CCDC57: variants seen among roughly 807,000 people sequenced by gnomAD.
CCDC57 encodes the protein coiled-coil domain containing 57, also known as coiled-coil domain-containing protein 57.
A neutral mutation model predicts 118.9 loss-of-function variants in CCDC57; 118 were observed. The ratio of observed to expected loss-of-function variants is 0.99; its 90% CI spans 0.86 to 1.16. The LOEUF (loss-of-function observed/expected upper bound fraction) is 1.16. Ranked by LOEUF, CCDC57 falls within the 50% of genes most tolerant of loss-of-function variation. The probability of loss-of-function intolerance (pLI) is 0.00; values close to 1 mark genes in which losing one functional copy is unlikely to be tolerated. For synonymous variants in CCDC57, 527 were observed against 532.9 expected (o/e 0.99, Z 0.15); for missense variants, 1,300 against 1,320.7 (o/e 0.98, Z 0.24).
intron 16 of CCDC57, among the ~76,000 whole-genome samples, chr17:82,140,396 T>A (rs1408962379): frequency 6.6e-6 from 1 of 152,082 alleles, no homozygotes; most frequent in African/African-American, 2.4e-5. Flanking sequence ...AATTTTTGTA[T>A]TTTTAGTAGA....
At chr17:82,206,535 G>A (rs1173036920) in intron 2 of CCDC57, among the ~76,000 whole-genome samples, 5 of 152,122 alleles carry the variant, frequency 3.3e-5, no homozygotes, top group Non-Finnish European at 7.4e-5. Flanking sequence ...GGTGTGGAGA[G>A]GTTCCTGGGG....
chr17:82,120,536 C>T (rs151063634), intron 19 of CCDC57, among the ~76,000 whole-genome samples: 13 of 152,320 alleles, frequency 8.5e-5, no homozygotes, highest in East Asian at 3.9e-4. Flanking sequence ...ACTTCACCAA[C>T]GCAGTTTCCA....
At chr17:82,163,146 C>G (rs1032200708) in intron 14 of CCDC57, 54 bp downstream of exon 13, 4 of 1,591,190 alleles carry the variant, frequency 2.5e-6, no homozygotes, top group South Asian at 2.3e-5. Flanking sequence ...CCCACGCGCT[C>G]TCCCCCAGCA....
At chr17:82,178,214 C>T (rs1434915290) in intron 11 of CCDC57, among the ~76,000 whole-genome samples, 1 of 152,190 alleles carries the variant, frequency 6.6e-6, no homozygotes, top group African/African-American at 2.4e-5. Flanking sequence ...ATCATAAGAA[C>T]AAACTCACAT....
At chr17:82,143,430 C>A (rs114142984) in intron 16 of CCDC57, among the ~76,000 whole-genome samples, 1 of 152,084 alleles carries the variant, frequency 6.6e-6, no homozygotes, top group Non-Finnish European at 1.5e-5. Context: ...TTCCAGACAG[C>A]GACCTTTGAG....
chr17:82,203,009 G>C (rs1297694022), intron 2 of CCDC57, among the ~76,000 whole-genome samples: 1 of 152,192 alleles, frequency 6.6e-6, no homozygotes, highest in African/African-American at 2.4e-5. Context: ...ATATGGTTTC[G>C]ATATTTATCC....
intron 2 of CCDC57, among the ~76,000 whole-genome samples, chr17:82,206,540 C>T (rs2049669421): frequency 7.1e-6 from 1 of 141,618 alleles, no homozygotes; most frequent in Admixed American, 6.9e-5. Context: ...GGAGAGGTTC[C>T]TGGGGAGTGG....
intron 19 of CCDC57, among the ~76,000 whole-genome samples, chr17:82,103,790 C>T (rs971735019): frequency 5.9e-5 from 9 of 151,940 alleles, no homozygotes; most frequent in African/African-American, 1.5e-4. Context: ...TATCCCGGGG[C>T]GAAGCAGGGA....
At chr17:82,198,702 A>C (rs2048593235) in intron 3 of CCDC57, among the ~76,000 whole-genome samples, 1 of 152,000 alleles carries the variant, frequency 6.6e-6, no homozygotes. Flanking sequence ...AAAAACCGGA[A>C]AGATCTGACC....
At chr17:82,162,443 C>T (rs905351895) in intron 14 of CCDC57, among the ~76,000 whole-genome samples, 7 of 152,228 alleles carry the variant, frequency 4.6e-5, no homozygotes, top group African/African-American at 7.2e-5. Context: ...GAGTAGGACC[C>T]GACCCCCAAA....
intron 16 of CCDC57, among the ~76,000 whole-genome samples, chr17:82,146,661 C>A (rs533874284): frequency 6.6e-6 from 1 of 152,356 alleles, no homozygotes; most frequent in East Asian, 1.9e-4. Flanking sequence ...ACTCTACTTT[C>A]TTCTCTAAAT....
chr17:82,164,790 C>T (rs1186866590), intron 13 of CCDC57, among the ~76,000 whole-genome samples: 1 of 152,144 alleles, frequency 6.6e-6, no homozygotes, highest in African/African-American at 2.4e-5. Flanking sequence ...TAAACCTTCC[C>T]ACAAGGAAAA....
chr17:82,160,123 G>C (rs1418862043), intron 14 of CCDC57: 1 of 152,210 alleles, frequency 6.6e-6, no homozygotes, highest in Non-Finnish European at 1.5e-5. Flanking sequence ...AGAAGCAGAG[G>C]CTGCAGGGAA....
At chr17:82,149,721 G>A (rs2041588928) in intron 16 of CCDC57, among the ~76,000 whole-genome samples, 1 of 151,830 alleles carries the variant, frequency 6.6e-6, no homozygotes, top group Non-Finnish European at 1.5e-5. Context: ...CTGACCCCAG[G>A]CGCACACCCA....
intron 19 of CCDC57, among the ~76,000 whole-genome samples, chr17:82,104,288 G>C (rs1258194256): frequency 6.6e-6 from 1 of 152,240 alleles, no homozygotes; most frequent in Non-Finnish European, 1.5e-5. Flanking sequence ...CGGGCACAGC[G>C]TGAGGAACGC....
rs372910004 is a variant in CCDC57 at position 82,101,752 on chromosome 17, C to T, written c.3014G>A (p.Arg1005Gln). 42 of 1,609,706 alleles carry T rather than the reference C, an allele frequency of 2.6e-5. No homozygotes were observed. In the Middle Eastern group the frequency reaches 6.6e-4, roughly 25 times the overall value. The change falls in exon 20 of 20, where the codon CGG (arginine) becomes CAG (glutamine). Residue 1005 changes from arginine to glutamine, a missense_variant. Coordinates refer to ENST00000665763, the Ensembl canonical transcript of CCDC57. The stretch of plus-strand genomic sequence containing the variant: ...GCCTTTAGCTTTTGCAGGATGAGAC[C>T]GGGAGGCTCCTGTGGTCTTGGCCTT...
chr17:82,141,861 G>A (rs1204420974), intron 16 of CCDC57, among the ~76,000 whole-genome samples: 1 of 152,114 alleles, frequency 6.6e-6, no homozygotes, highest in African/African-American at 2.4e-5. Flanking sequence ...CGTAGAAACT[G>A]CTTTGTCTAC....
chr17:82,186,499 C>A (rs1434798826), intron 8 of CCDC57, among the ~76,000 whole-genome samples: 1 of 152,204 alleles, frequency 6.6e-6, no homozygotes, highest in East Asian at 1.9e-4. Context: ...GCCTCCCATG[C>A]ATGGCGTCTT....
intron 16 of CCDC57, among the ~76,000 whole-genome samples, chr17:82,151,116 C>T (rs2041959910): frequency 7.2e-6 from 1 of 138,360 alleles, no homozygotes; most frequent in Non-Finnish European, 1.6e-5. Flanking sequence ...GACCCACACC[C>T]AGAACCAGGC....
Sources: gnomAD v4.1 joint callset for allele counts (sites outside exome capture counted in the v4.1 genomes callset) on GRCh38, gnomAD v4.1.1 for gene constraint, MANE v1.5 for transcripts, NCBI Gene and HGNC (gene_info 2026-07-23, HGNC 2026-07-21) for gene names.